COG5: variants seen among roughly 807,000 people sequenced by gnomAD.
COG5 encodes conserved oligomeric Golgi complex subunit 5.
In COG5, 86 loss-of-function variants were observed where a neutral mutation model predicts 110.4. The ratio of observed to expected loss-of-function variants is 0.78; its 90% confidence interval spans 0.65 to 0.93. The LOEUF is 0.93. COG5 is among the 40% of genes least tolerant of loss of function. The probability of loss-of-function intolerance (pLI) is 0.00; values close to 1 mark genes in which losing one functional copy is unlikely to be tolerated. For synonymous variants in COG5, 360 were observed against 334.6 expected (o/e 1.08, Z -0.83); for missense variants, 1,077 against 987.0 (o/e 1.09, Z -1.22).
At chr7:107,472,948 TA>T (rs1263158676) in intron 6 of COG5, 1 of 151,916 alleles carries the variant, frequency 6.6e-6, no homozygotes, top group African/African-American at 2.4e-5. Context: ...CATTAGACAT[TA>T]TTTTTTACAA....
intron 6 of COG5, among the ~76,000 whole-genome samples, chr7:107,454,650 C>A (rs1285696765): frequency 6.6e-6 from 1 of 151,986 alleles, no homozygotes; most frequent in Non-Finnish European, 1.5e-5. Context: ...AGAAGAGATT[C>A]TTTTGTATTT....
At chr7:107,315,065 T>C (rs1292575068) in intron 11 of COG5, among the ~76,000 whole-genome samples, 2 of 152,078 alleles carry the variant, frequency 1.3e-5, no homozygotes, top group African/African-American at 2.4e-5. Context: ...ATGAGTATAT[T>C]AGGTTTATCT....
At chr7:107,527,485 C>G (rs1028747438) in intron 5 of COG5, 128 bp from the exon 6 acceptor site, 8 of 921,516 alleles carry the variant, frequency 8.7e-6, no homozygotes, top group Non-Finnish European at 1.0e-5. Flanking sequence ...ACCTATGTAA[C>G]AAACCTGCAC....
chr7:107,336,406 A>AC (rs1810704449), intron 10 of COG5, among the ~76,000 whole-genome samples: 1 of 152,202 alleles, frequency 6.6e-6, no homozygotes, highest in African/African-American at 2.4e-5. Flanking sequence ...GGAGAGAGAG[A>AC]CACAAAGGGG....
intron 6 of COG5, among the ~76,000 whole-genome samples, chr7:107,498,647 G>A (rs956575030): frequency 1.3e-5 from 2 of 151,978 alleles, no homozygotes; most frequent in Admixed American, 6.6e-5. Flanking sequence ...AAACAGACAC[G>A]TGCTGGTGAG....
At chr7:107,559,550 T>C (rs929865908) in intron 1 of COG5, among the ~76,000 whole-genome samples, 14 of 152,228 alleles carry the variant, frequency 9.2e-5, no homozygotes, top group African/African-American at 3.4e-4. Context: ...GCAGGTTCCA[T>C]GAATTAACTA....
At chr7:107,402,612 T>C (rs1791517735) in intron 7 of COG5, among the ~76,000 whole-genome samples, 1 of 152,022 alleles carries the variant, frequency 6.6e-6, no homozygotes, top group South Asian at 2.1e-4. Flanking sequence ...CCTGAAAAAA[T>C]AAATAAACAA....
intron 11 of COG5, among the ~76,000 whole-genome samples, chr7:107,310,834 T>C (rs982419824): frequency 1.3e-5 from 2 of 152,078 alleles, no homozygotes; most frequent in Non-Finnish European, 2.9e-5. Context: ...CAATGGAAAG[T>C]TGTGGTATTT....
intron 6 of COG5, among the ~76,000 whole-genome samples, chr7:107,521,989 A>G (rs1800352596): frequency 6.6e-6 from 1 of 152,200 alleles, no homozygotes; most frequent in African/African-American, 2.4e-5. Flanking sequence ...ATGAAGCTGG[A>G]AGCCTTCATC....
At chr7:107,544,483 C>A (rs1456570544) in intron 5 of COG5, among the ~76,000 whole-genome samples, 1 of 152,208 alleles carries the variant, frequency 6.6e-6, no homozygotes, top group African/African-American at 2.4e-5. Context: ...TCATGACCCA[C>A]ATTTGCCCCA....
intron 6 of COG5, chr7:107,475,097 T>G: frequency 6.2e-7 from 1 of 1,612,860 alleles, no homozygotes; most frequent in Non-Finnish European, 8.5e-7. Flanking sequence ...GACCTTTTAG[T>G]AAAATTAAGA....
At chr7:107,475,397 A>G in intron 6 of COG5, 1 of 977,880 alleles carries the variant, frequency 1.0e-6, no homozygotes. Context: ...CCACATTCAA[A>G]TGAGTTTTAA....
chr7:107,275,769 C>T (rs1804657067), intron 14 of COG5, among the ~76,000 whole-genome samples: 1 of 151,678 alleles, frequency 6.6e-6, no homozygotes, highest in South Asian at 2.1e-4. Flanking sequence ...GGTGATCTGC[C>T]CACCTCAGCC....
intron 6 of COG5, among the ~76,000 whole-genome samples, chr7:107,482,706 T>C (rs943053553): frequency 1.4e-5 from 2 of 147,784 alleles, no homozygotes; most frequent in African/African-American, 2.7e-5. Context: ...AAATATAATG[T>C]TGTTTCTTTA....
At chr7:107,229,635 C>T (rs1800621266) in intron 19 of COG5, among the ~76,000 whole-genome samples, 1 of 152,086 alleles carries the variant, frequency 6.6e-6, no homozygotes. Context: ...TCTAAGTGTT[C>T]AGCACTGACA....
chr7:107,425,898 A>G (rs549531891), intron 6 of COG5, among the ~76,000 whole-genome samples: 1 of 152,346 alleles, frequency 6.6e-6, no homozygotes, highest in African/African-American at 2.4e-5. Context: ...CACTAATTCA[A>G]TATGACTAGT....
At chr7:107,330,389 T>A (rs1810136740) in intron 10 of COG5, among the ~76,000 whole-genome samples, 1 of 152,218 alleles carries the variant, frequency 6.6e-6, no homozygotes, top group African/African-American at 2.4e-5. Context: ...TAAAGATAAA[T>A]CTATTATTTA....
At chr7:107,537,271 T>C (rs546938247) in intron 5 of COG5, among the ~76,000 whole-genome samples, 1 of 152,304 alleles carries the variant, frequency 6.6e-6, no homozygotes, top group South Asian at 2.1e-4. Flanking sequence ...ATCATTCTAC[T>C]ATAAAGATAC....
In COG5 at chr7:107,283,665, G is replaced by C; in HGVS notation, c.1381C>G (p.Arg461Gly). ...EAAYLSKSLS[R>G]LFDPINLVFP... ...ACCAAGTTGATAGGATCGAAGAGTC[G>C]AGATAAGGATTTTGATAGATAAGCA... is the stretch of plus-strand genomic sequence containing the variant. The change falls in exon 13 of 22, where the codon CGA becomes GGA. Residue 461 changes from arginine (R) to glycine (G), a missense_variant. By Grantham distance (125) the Arg-to-Gly change is moderately radical. Coordinates refer to ENST00000297135, the MANE Select transcript of COG5 (RefSeq NM_006348.5). The C allele has an allele frequency of 6.2e-7, 1 of 1,613,746 alleles. No individual in the cohort carries two copies. The highest frequency in any genetic ancestry group is 8.5e-7 in the Non-Finnish European group (1 of 1,179,720).
Sources: allele counts gnomAD v4.1 joint callset (sites outside exome capture counted in the v4.1 genomes callset), GRCh38; gene constraint gnomAD v4.1.1; transcripts MANE v1.5; gene names NCBI Gene and HGNC (gene_info 2026-07-23, HGNC 2026-07-21).